Variants in HOOK3 observed in about 807,000 individuals in gnomAD.
HOOK3 encodes protein Hook homolog 3.
In HOOK3, 24 loss-of-function variants were observed where a neutral mutation model predicts 116.3. The observed-to-expected ratio is 0.21, with a 90% CI of 0.15 to 0.29. The LOEUF (loss-of-function observed/expected upper bound fraction) is 0.29, where lower values mean the gene tolerates loss of function less well. Among genes scored for constraint, HOOK3 ranks in the 10% least tolerant of loss-of-function variants. The pLI is 1.00. For missense variants in HOOK3, 632 were observed against 830.2 expected (o/e 0.76, Z 2.93); for synonymous variants, 275 against 283.0 (o/e 0.97, Z 0.28).
At chr8:42,969,349 G>A (rs1007459861) in intron 11 of HOOK3, among the ~76,000 whole-genome samples, 2 of 152,174 alleles carry the variant, frequency 1.3e-5, no homozygotes, top group Non-Finnish European at 2.9e-5. Flanking sequence ...TTGCTGGCCT[G>A]GCACAGTGTC....
At chr8:42,908,530 C>T (rs1807359256) in intron 2 of HOOK3, among the ~76,000 whole-genome samples, 5 of 152,138 alleles carry the variant, frequency 3.3e-5, no homozygotes, top group Admixed American at 2.6e-4. Context: ...GTTGATTTTC[C>T]ACAAAGGTGC....
intron 2 of HOOK3, among the ~76,000 whole-genome samples, chr8:42,912,483 G>T (rs1479612647): frequency 6.6e-6 from 1 of 152,176 alleles, no homozygotes. Flanking sequence ...AATATGGGAT[G>T]GTGAAAAAGT....
chr8:42,981,908 G>C (rs1808955573), intron 13 of HOOK3, among the ~76,000 whole-genome samples: 1 of 139,812 alleles, frequency 7.2e-6, no homozygotes, highest in Non-Finnish European at 1.5e-5. Flanking sequence ...AAAGAATAAG[G>C]AATATTTTCT....
intron 11 of HOOK3, among the ~76,000 whole-genome samples, chr8:42,971,831 C>T (rs1808733662): frequency 6.6e-6 from 1 of 152,026 alleles, no homozygotes; most frequent in Non-Finnish European, 1.5e-5. Flanking sequence ...CAGGAGTGCA[C>T]CACCAAGCCC....
chr8:42,897,162 G>C lies in HOOK3; in HGVS notation c.31G>C (p.Glu11Gln), dbSNP rs967488336. 2.4e-6 allele frequency: 3 copies of C among 1,248,970 alleles called. No individual in the cohort carries two copies. In the African/African-American group the frequency reaches 4.6e-5, roughly 19 times the overall value. The allele number at this position is 1,248,970 out of a possible 1,614,324, so 77.4% of individuals were successfully genotyped here. The stretch of plus-strand genomic sequence containing the variant: ...CAGCGTAGAGTCGCTGGAGCGGGCG[G>C]AGCTGTGCGAGAGCCTCCTCACTTG... Reference protein sequence around the residue: MFSVESLERAELCESLLTWIQ... With the variant: MFSVESLERAQLCESLLTWIQ... The change falls in exon 1 of 22, where the codon GAG becomes CAG. Residue 11 changes from glutamate (E) to glutamine (Q), a missense_variant. Coordinates refer to ENST00000307602, the MANE Select transcript of HOOK3 (RefSeq NM_032410.4).
At position 42,968,166 on chromosome 8, in the gene HOOK3, A is replaced by G; in HGVS notation, c.1074A>G (p.Leu358=). 6.2e-7 allele frequency: 1 copy of G among 1,614,008 alleles called. No homozygotes were observed. Among genetic ancestry groups the G allele is most frequent in the Non-Finnish European group, 8.5e-7 (1 of 1,179,904 alleles). Residue 358 remains leucine (L), a synonymous_variant, in exon 11 of 22, where the codon TTA becomes TTG. Coordinates refer to ENST00000307602, the MANE Select transcript of HOOK3 (RefSeq NM_032410.4). ...ATACTGTCAGTCTAGAGGAAGAGTT[A>G]AGAAAGGCCAACGCAGCGCGAAGTC... ...MQNTVSLEEE[L]RKANAARSQL... is the part of the protein sequence containing the mutation.
intron 4 of HOOK3, among the ~76,000 whole-genome samples, chr8:42,933,401 C>T (rs888446044): frequency 1.3e-5 from 2 of 152,174 alleles, no homozygotes; most frequent in African/African-American, 4.8e-5. Flanking sequence ...ATGATGCATA[C>T]ACTACGTATT....
At chr8:42,951,213 A>G (rs929674534) in intron 6 of HOOK3, among the ~76,000 whole-genome samples, 19 of 152,064 alleles carry the variant, frequency 1.2e-4, no homozygotes, top group Non-Finnish European at 2.9e-5. Flanking sequence ...AGCACATGCC[A>G]CCACGCCTGG....
In HOOK3 at chr8:43,007,837, T is replaced by C; in HGVS notation, c.1656-10T>C. 6.4e-7 allele frequency: 1 copy of C among 1,569,540 alleles called. No homozygotes were observed. Among genetic ancestry groups the C allele is most frequent in the Non-Finnish European group, 8.7e-7 (1 of 1,148,146 alleles). On this transcript the variant is annotated splice_polypyrimidine_tract_variant and intron_variant, in intron 17 of 21. Coordinates refer to ENST00000307602, the MANE Select transcript of HOOK3 (RefSeq NM_032410.4). ...AGCAGTAGTAGGTGATGTTTACCTG[T>C]TTGTTACAGAGAGAAGCTGCATGAG...
Position 43,013,262 on chromosome 8 carries a change from A to G in HOOK3, c.1945-67A>G, listed in dbSNP as rs907905815. ...TCATGAGTTTTAACAATTAATTGTAAGTATTTTATTTATATTGAGTTATTT... is the reference window on the plus strand; with the variant it reads ...TCATGAGTTTTAACAATTAATTGTAGGTATTTTATTTATATTGAGTTATTT... On this transcript the variant is annotated intron_variant, in intron 20 of 21. Coordinates refer to ENST00000307602, the MANE Select transcript of HOOK3 (RefSeq NM_032410.4). The G allele has an allele frequency of 6.4e-6, 9 of 1,414,368 alleles. No individual in the cohort carries two copies. The African/African-American group carries it at 1.3e-4, about 21-fold the overall frequency. The allele number at this position is 1,414,368 out of a possible 1,614,324, so 87.6% of individuals were successfully genotyped here.
chr8:42,926,828 T>C (rs1418614183), intron 3 of HOOK3, among the ~76,000 whole-genome samples: 1 of 152,236 alleles, frequency 6.6e-6, no homozygotes, highest in Non-Finnish European at 1.5e-5. Flanking sequence ...TTTGTGTAAC[T>C]ACCACCACAG....
At chr8:42,898,957 A>G (rs771819168) in intron 1 of HOOK3, among the ~76,000 whole-genome samples, 5 of 152,220 alleles carry the variant, frequency 3.3e-5, no homozygotes, top group Non-Finnish European at 7.3e-5. Context: ...ATCTAATGCA[A>G]TTTATTGAAC....
intron 21 of HOOK3, among the ~76,000 whole-genome samples, chr8:43,017,335 C>T (rs1301941380): frequency 6.6e-6 from 1 of 152,226 alleles, no homozygotes; most frequent in Non-Finnish European, 1.5e-5. Context: ...GGTGTAATCA[C>T]GGCTCACTGC....
chr8:42,941,241 C>T (rs891788341), intron 4 of HOOK3, among the ~76,000 whole-genome samples: 3 of 149,092 alleles, frequency 2.0e-5, no homozygotes, highest in East Asian at 2.1e-4. Context: ...GCCGGCTGGG[C>T]GCAGTGGCTC....
chr8:42,975,766 C>G (rs549682056), intron 13 of HOOK3, among the ~76,000 whole-genome samples: 1 of 152,108 alleles, frequency 6.6e-6, no homozygotes, highest in Non-Finnish European at 1.5e-5. Context: ...AGTGCAGTGG[C>G]GAGATCTTGG....
Position 43,028,321 on chromosome 8 carries a change from A to C in HOOK3, c.*9823A>C, listed in dbSNP as rs557631112. The C allele has an allele frequency of 5.4e-6, 1 of 183,694 alleles. No homozygotes were observed. The highest frequency in any genetic ancestry group is 8.9e-5 in the East Asian group (1 of 11,250). 11.4% of individuals were successfully genotyped at this position (183,694 alleles called of 1,614,324 possible). A position where few individuals can be genotyped will look rare whatever the true frequency, so the allele number is the denominator to read the frequency against. Reference sequence around the variant, plus strand: ...GTAAGGTCTGATCACACCTGACTGCACTCCAGCCTGGGTGGCAAAGCAAGA... The same window carrying C: ...GTAAGGTCTGATCACACCTGACTGCCCTCCAGCCTGGGTGGCAAAGCAAGA... On this transcript the variant is annotated 3_prime_UTR_variant, in exon 22 of 22. Coordinates refer to ENST00000307602, the MANE Select transcript of HOOK3 (RefSeq NM_032410.4).
At chr8:42,923,619 A>AT (rs913112162) in intron 2 of HOOK3, among the ~76,000 whole-genome samples, 5 of 152,202 alleles carry the variant, frequency 3.3e-5, no homozygotes, top group African/African-American at 1.2e-4. Flanking sequence ...AGACAAATTC[A>AT]TAGAGACAGA....
At chr8:42,930,311 G>T in intron 4 of HOOK3, 139 bp downstream of exon 4, 1 of 723,106 alleles carries the variant, frequency 1.4e-6, no homozygotes, top group Non-Finnish European at 2.0e-6. Flanking sequence ...ATAATAGGAT[G>T]ATGGTTCAAC....
At chr8:42,941,291 G>C (rs530177956) in intron 4 of HOOK3, among the ~76,000 whole-genome samples, 1 of 148,792 alleles carries the variant, frequency 6.7e-6, no homozygotes, top group Non-Finnish European at 1.5e-5. Flanking sequence ...CGAGGCGGGC[G>C]GATCACGAGG....
Sources: gnomAD v4.1 joint callset for allele counts (sites outside exome capture counted in the v4.1 genomes callset) on GRCh38, gnomAD v4.1.1 for gene constraint, MANE v1.5 for transcripts, NCBI Gene and HGNC (gene_info 2026-07-23, HGNC 2026-07-21) for gene names.